PSMB7: variants seen among roughly 807,000 people sequenced by gnomAD.
PSMB7 encodes the protein proteasome 20S subunit beta 7.
PSMB7 carries 5 observed loss-of-function variants against 28.1 expected under a neutral mutation model. The ratio of observed to expected loss-of-function variants is 0.18; its 90% CI spans 0.09 to 0.37. The LOEUF (loss-of-function observed/expected upper bound fraction) is 0.37. Ranked by LOEUF, PSMB7 falls within the 10% of genes least tolerant of loss-of-function variation. PSMB7 has a pLI of 1.00. For synonymous variants in PSMB7, 122 were observed against 123.7 expected, an observed-to-expected ratio of 0.99 and a Z score of 0.09; for missense variants, 275 against 346.2, an observed-to-expected ratio of 0.79 and a Z score of 1.63.
At chr9:124,359,909 C>G (rs1830450812) in intron 6 of PSMB7, among the ~76,000 whole-genome samples, 1 of 152,158 alleles carries the variant, frequency 6.6e-6, no homozygotes, top group Non-Finnish European at 1.5e-5. Flanking sequence ...TCTTATTTAA[C>G]ATATCCCTCC....
At chr9:124,375,529 C>T (rs1255245809) in intron 6 of PSMB7, among the ~76,000 whole-genome samples, 1 of 152,012 alleles carries the variant, frequency 6.6e-6, no homozygotes, top group Admixed American at 6.6e-5. Flanking sequence ...ATTTTTCCCC[C>T]CAGACAAACG....
At chr9:124,385,168 G>C (rs918379640) in intron 5 of PSMB7, among the ~76,000 whole-genome samples, 3 of 152,198 alleles carry the variant, frequency 2.0e-5, no homozygotes, top group Non-Finnish European at 2.9e-5. Context: ...ATAGGACTGC[G>C]AGCAGCAGCC....
intron 6 of PSMB7, among the ~76,000 whole-genome samples, chr9:124,362,682 AT>A (rs1252106449): frequency 4.4e-5 from 6 of 136,006 alleles, no homozygotes; most frequent in Non-Finnish European, 1.6e-5. Flanking sequence ...GTTAATAACA[AT>A]GTATTGTATT....
intron 6 of PSMB7, among the ~76,000 whole-genome samples, chr9:124,371,343 G>A (rs1830560557): frequency 6.6e-6 from 1 of 152,150 alleles, no homozygotes; most frequent in Admixed American, 6.5e-5. Context: ...ATACAAGAAA[G>A]TGGAAATCCA....
Position 124,356,968 on chromosome 9 carries a change from T to C in PSMB7, c.571-53A>G, listed in dbSNP as rs1830414391. 1 of 1,605,768 alleles carries C rather than the reference T, an allele frequency of 6.2e-7. No individual in the cohort carries two copies. Among genetic ancestry groups the C allele is most frequent in the Middle Eastern group, 1.7e-4 (1 of 6,016 alleles). On this transcript the variant is annotated intron_variant, in intron 6 of 7. Coordinates refer to ENST00000259457, the MANE Select transcript of PSMB7 (RefSeq NM_002799.4). This position sits in a 1 kb window ranked among gnomAD's most constrained non-coding sequence, Gnocchi z 4.4. ...TCCCCGGCCAAACTAGGGCCTGCTC[T>C]GACATCCGCAATGTACGTCCACTAG... is the stretch of plus-strand genomic sequence containing the variant.
At chr9:124,397,015 C>G (rs1830849902) in intron 5 of PSMB7, among the ~76,000 whole-genome samples, 1 of 152,210 alleles carries the variant, frequency 6.6e-6, no homozygotes, top group Non-Finnish European at 1.5e-5. Flanking sequence ...CCAAATTACT[C>G]TCTTAAAAAA....
intron 5 of PSMB7, among the ~76,000 whole-genome samples, chr9:124,390,122 A>G (rs1479737124): frequency 6.6e-6 from 1 of 152,260 alleles, no homozygotes; most frequent in Non-Finnish European, 1.5e-5. Flanking sequence ...CAAGTTCACT[A>G]GCAATCAAAG....
chr9:124,379,202 T>C (rs1830640522), intron 6 of PSMB7, among the ~76,000 whole-genome samples: 1 of 152,254 alleles, frequency 6.6e-6, no homozygotes. Context: ...TTTTATACCT[T>C]CATTTCCATC....
At chr9:124,361,170 C>G (rs1830462514) in intron 6 of PSMB7, among the ~76,000 whole-genome samples, 1 of 152,226 alleles carries the variant, frequency 6.6e-6, no homozygotes, top group Admixed American at 6.5e-5. Context: ...CTGGGAATAT[C>G]AGTCCCCCGG....
chr9:124,415,019 C>G (rs1481598444), intron 1 of PSMB7, 84 bp from the exon 2 acceptor site: 1 of 885,482 alleles, frequency 1.1e-6, no homozygotes. Context: ...ACAGAGAACT[C>G]AGGAAAGCTG....
chr9:124,358,608 T>C (rs1023842480), intron 6 of PSMB7, among the ~76,000 whole-genome samples: 14 of 152,198 alleles, frequency 9.2e-5, no homozygotes, highest in African/African-American at 3.1e-4. Context: ...GCTATCTAGA[T>C]AGACAGCAAA....
chr9:124,359,814 A>G (rs1445509811), intron 6 of PSMB7, among the ~76,000 whole-genome samples: 2 of 152,132 alleles, frequency 1.3e-5, no homozygotes, highest in Non-Finnish European at 2.9e-5. Context: ...ACCCAAGACT[A>G]CCACTTCAAG....
intron 6 of PSMB7, among the ~76,000 whole-genome samples, chr9:124,371,779 T>C (rs1830565428): frequency 6.6e-6 from 1 of 152,222 alleles, no homozygotes; most frequent in African/African-American, 2.4e-5. Context: ...CAATTCCACC[T>C]ATACAGTTAA....
At chr9:124,397,921 A>C (rs1045231309) in intron 5 of PSMB7, among the ~76,000 whole-genome samples, 1 of 152,210 alleles carries the variant, frequency 6.6e-6, no homozygotes, top group African/African-American at 2.4e-5. Context: ...TAATCCCAGC[A>C]CTTTGGGAGG....
At chr9:124,366,926 A>G (rs1186901700) in intron 6 of PSMB7, among the ~76,000 whole-genome samples, 1 of 152,250 alleles carries the variant, frequency 6.6e-6, no homozygotes, top group African/African-American at 2.4e-5. Context: ...AGGTTTGTGT[A>G]AGTACATCCT....
intron 5 of PSMB7, chr9:124,396,745 TATACC>T (rs1258376598): frequency 2.2e-6 from 1 of 463,322 alleles, no homozygotes; most frequent in Non-Finnish European, 4.4e-6. Flanking sequence ...AAAAATTTTA[TATACC>T]TTGCCAATGC....
rs564197906 is a variant in PSMB7, at chr9:124,397,887, G to C, written c.511+7430C>G. 6.6e-5 allele frequency among the ~76,000 whole-genome samples: 10 copies of C among 152,342 alleles called. No individual in the cohort carries two copies. The South Asian group carries it at 1.9e-3, about 28-fold the overall frequency. On this transcript the variant is annotated intron_variant, in intron 5 of 7. Coordinates refer to ENST00000259457, the MANE Select transcript of PSMB7 (RefSeq NM_002799.4). ...TAAGCATGAGTTAAAACAAAATCCA[G>C]CCAGGCACAGTGGCTCATGCCTGTA...
intron 6 of PSMB7, among the ~76,000 whole-genome samples, chr9:124,363,627 A>T (rs1373400553): frequency 6.6e-6 from 1 of 152,246 alleles, no homozygotes; most frequent in African/African-American, 2.4e-5. Context: ...GGTGCTGGGC[A>T]CGCTTAGAGC....
At chr9:124,368,235 C>A (rs918837612) in intron 6 of PSMB7, among the ~76,000 whole-genome samples, 13 of 152,298 alleles carry the variant, frequency 8.5e-5, no homozygotes, top group African/African-American at 2.6e-4. Flanking sequence ...TTTTTTCCAC[C>A]CAAGAAAACA....
Sources: allele counts gnomAD v4.1 joint callset (sites outside exome capture counted in the v4.1 genomes callset), GRCh38; gene constraint gnomAD v4.1.1; non-coding constraint Gnocchi (gnomAD v3.1); transcripts MANE v1.5; gene names NCBI Gene and HGNC (gene_info 2026-07-23, HGNC 2026-07-21).